Variants in DNAJC25 observed in about 807,000 individuals in gnomAD.
DNAJC25 encodes DnaJ heat shock protein family (Hsp40) member C25.
A neutral mutation model predicts 42.1 loss-of-function variants in DNAJC25; 26 were observed. That is an observed-to-expected ratio of 0.62 (90% CI 0.45 to 0.86). DNAJC25 has a LOEUF of 0.86. Ranked by LOEUF, DNAJC25 falls within the 40% of genes least tolerant of loss-of-function variation. The pLI is 0.00. For missense variants in DNAJC25, 404 were observed against 459.4 expected, an observed-to-expected ratio of 0.88 and a Z score of 1.10; for synonymous variants, 189 against 179.9, an observed-to-expected ratio of 1.05 and a Z score of -0.40.
intron 1 of DNAJC25, 116 bp from the exon 2 acceptor site, chr9:111,646,991 T>G: frequency 8.3e-7 from 1 of 1,198,976 alleles, no homozygotes; most frequent in East Asian, 2.9e-5. Flanking sequence ...AATTTCAGTA[T>G]TTTTACTCAG....
intron 3 of DNAJC25, 112 bp downstream of exon 3, chr9:111,650,035 T>C (rs1224959136): frequency 3.9e-6 from 4 of 1,014,226 alleles, no homozygotes; most frequent in Non-Finnish European, 4.1e-6. Flanking sequence ...AATCCTAGAG[T>C]TAAACAATTA....
At chr9:111,636,863 C>T (rs892447259) in intron 1 of DNAJC25, among the ~76,000 whole-genome samples, 1 of 152,106 alleles carries the variant, frequency 6.6e-6, no homozygotes, top group African/African-American at 2.4e-5. Context: ...GTATGTACCA[C>T]ATTTACTATT....
At chr9:111,644,159 A>G (rs1169849225) in intron 1 of DNAJC25, among the ~76,000 whole-genome samples, 1 of 152,202 alleles carries the variant, frequency 6.6e-6, no homozygotes, top group Non-Finnish European at 1.5e-5. Context: ...AGGGTCATAA[A>G]TTTGTGGTGA....
chr9:111,641,655 G>A (rs1363488858), intron 1 of DNAJC25, among the ~76,000 whole-genome samples: 4 of 130,084 alleles, frequency 3.1e-5, no homozygotes, highest in African/African-American at 9.8e-5. Context: ...CCGGCCAGCC[G>A]CCCCGTCCGG....
At chr9:111,651,684 C>T (rs989125858) in intron 3 of DNAJC25, among the ~76,000 whole-genome samples, 1 of 151,692 alleles carries the variant, frequency 6.6e-6, no homozygotes, top group Non-Finnish European at 1.5e-5. Context: ...CTCAGGAGTT[C>T]GAGACCAGCC....
In DNAJC25 at chr9:111,653,237, C is replaced by G; in HGVS notation, c.*15C>G. ...TGGATGACTGAAGATTGATGGAATG[C>G]TACTATGCCAAACCTTAATTGTGAT... On this transcript the variant is annotated 3_prime_UTR_variant, in exon 4 of 4. Coordinates refer to ENST00000313525, the MANE Select transcript of DNAJC25 (RefSeq NM_001015882.3). 6.5e-7 allele frequency: 1 copy of G among 1,536,680 alleles called. No individual in the cohort carries two copies. The highest frequency in any genetic ancestry group is 1.4e-5 in the African/African-American group (1 of 72,200).
At chr9:111,649,422 A>G (rs758802430) in intron 2 of DNAJC25, 31 bp from the exon 3 acceptor site, 1 of 1,516,686 alleles carries the variant, frequency 6.6e-7, no homozygotes, top group Non-Finnish European at 8.8e-7. Context: ...GGTAATGAAA[A>G]TGACTCATTG....
intron 1 of DNAJC25, among the ~76,000 whole-genome samples, chr9:111,638,651 A>T (rs1360140887): frequency 6.6e-6 from 1 of 152,054 alleles, no homozygotes; most frequent in Admixed American, 6.6e-5. Flanking sequence ...CTTTGGTATC[A>T]TGTTCAACAT....
Position 111,631,630 on chromosome 9 carries a change from C to T in DNAJC25, c.223C>T (p.Arg75Cys). The T allele has an allele frequency of 1.3e-6, 2 of 1,500,550 alleles. No homozygotes were observed. The highest frequency in any genetic ancestry group is 1.2e-5 in the South Asian group (1 of 81,346). 93.0% of individuals were successfully genotyped at this position (1,500,550 alleles called of 1,614,324 possible). A position where few individuals can be genotyped will look rare whatever the true frequency, so the allele number is the denominator to read the frequency against. ...GCGGGCCTACCGCCAGCTGGCCCGG[C>T]GCTACCACCCTGACCGCTACCGGCC... ...IARAYRQLAR[R>C]YHPDRYRPQP... is the part of the protein sequence containing the mutation. Residue 75 changes from arginine (R) to cysteine (C), a missense_variant, in exon 1 of 4, where the codon CGC becomes TGC. Arg to Cys is a radical substitution (Grantham distance 180). Transcript: ENST00000313525.
At chr9:111,633,769 C>T (rs1305343266) in intron 1 of DNAJC25, among the ~76,000 whole-genome samples, 2 of 152,078 alleles carry the variant, frequency 1.3e-5, no homozygotes. Context: ...GATCAGTGCC[C>T]CCATCCCGGA....
intron 1 of DNAJC25, among the ~76,000 whole-genome samples, chr9:111,632,482 G>A (rs1830299167): frequency 6.6e-6 from 1 of 152,154 alleles, no homozygotes; most frequent in African/African-American, 2.4e-5. Context: ...TTGTGAATAT[G>A]TATTTGTATT....
At chr9:111,645,631 T>G (rs1830557947) in intron 1 of DNAJC25, among the ~76,000 whole-genome samples, 2 of 152,222 alleles carry the variant, frequency 1.3e-5, no homozygotes, top group South Asian at 4.1e-4. Context: ...TTTCTTACTT[T>G]AAATCTAAAA....
intron 1 of DNAJC25, chr9:111,643,029 T>C (rs1830507319): frequency 2.4e-6 from 1 of 423,342 alleles, no homozygotes; most frequent in Admixed American, 2.6e-5. Flanking sequence ...GAAGTTGGAA[T>C]CTCCAGACCC....
intron 1 of DNAJC25, among the ~76,000 whole-genome samples, chr9:111,641,584 T>G (rs1384124989): frequency 5.9e-4 from 37 of 62,742 alleles, no homozygotes; most frequent in South Asian, 2.0e-3. Context: ...GGTGGGGGGG[T>G]CGGCCCCCCG....
At position 111,631,536 on chromosome 9, in the gene DNAJC25, C is replaced by A. The variant is rs774119007; in HGVS notation, c.129C>A (p.Leu43=). 3.2e-5 allele frequency: 44 copies of A among 1,375,850 alleles called. No homozygotes were observed. The South Asian group carries it at 6.7e-4, about 21-fold the overall frequency. The allele number at this position is 1,375,850 out of a possible 1,614,324, so 85.2% of individuals were successfully genotyped here. Residue 43 remains leucine (L), a synonymous_variant, in exon 1 of 4, where the codon CTC becomes CTA. Transcript: ENST00000313525. ...VRPAGALVEG[L]YCGTRDCYEV... ...CCGCGGGGGCCCTGGTGGAGGGGCT[C>A]TACTGCGGCACGCGGGACTGCTACG...
chr9:111,635,817 T>A (rs982750795), intron 1 of DNAJC25, among the ~76,000 whole-genome samples: 7 of 152,156 alleles, frequency 4.6e-5, no homozygotes, highest in African/African-American at 1.4e-4. Context: ...AGGGAAGCGT[T>A]ACAACAACAC....
chr9:111,647,389 C>A, intron 2 of DNAJC25, 130 bp downstream of exon 2: 1 of 1,193,658 alleles, frequency 8.4e-7, no homozygotes, highest in Non-Finnish European at 1.2e-6. Flanking sequence ...CTGTTTTAGT[C>A]ATTGGCAATG....
intron 1 of DNAJC25, among the ~76,000 whole-genome samples, chr9:111,632,009 C>T (rs1830290545): frequency 6.6e-6 from 1 of 152,232 alleles, no homozygotes; most frequent in African/African-American, 2.4e-5. Flanking sequence ...CTTACGATTT[C>T]GTGAAAATAT....
intron 3 of DNAJC25, among the ~76,000 whole-genome samples, chr9:111,651,153 A>G (rs1479018230): frequency 6.6e-6 from 1 of 150,766 alleles, no homozygotes; most frequent in Non-Finnish European, 1.5e-5. Flanking sequence ...AATCCTAGCT[A>G]CTCGGGAGGC....
Sources: gnomAD v4.1 joint callset for allele counts (sites outside exome capture counted in the v4.1 genomes callset) on GRCh38, gnomAD v4.1.1 for gene constraint, MANE v1.5 for transcripts, NCBI Gene and HGNC (gene_info 2026-07-23, HGNC 2026-07-21) for gene names.